Variants in EMP2 observed in about 807,000 individuals in gnomAD.
The protein encoded by EMP2 is epithelial membrane protein 2.
A neutral mutation model predicts 13.7 loss-of-function variants in EMP2; 19 were observed. That is an observed-to-expected ratio of 1.38 (90% CI 0.97 to 2.03). EMP2 has a LOEUF of 2.03. Among genes scored for constraint, EMP2 ranks in the 30% most tolerant of loss-of-function variants. The pLI is 0.00. For synonymous variants in EMP2, 97 were observed against 84.7 expected (o/e 1.15, Z -0.80); for missense variants, 253 against 220.7 (o/e 1.15, Z -0.93).
intron 3 of EMP2, among the ~76,000 whole-genome samples, chr16:10,540,931 T>C (rs537626201): frequency 1.2e-3 from 178 of 151,320 alleles, no homozygotes; most frequent in African/African-American, 4.2e-3. Flanking sequence ...CTACAGAAAA[T>C]ACAAAAATTA....
chr16:10,553,952 TATACTGGACACTGTTC>T (rs2050808208), intron 1 of EMP2, among the ~76,000 whole-genome samples: 1 of 152,260 alleles, frequency 6.6e-6, no homozygotes, highest in Admixed American at 6.5e-5. Context: ...TACTGCCATG[TATACTGGACACTGTTC>T]ATACTGTGTC....
At chr16:10,549,715 G>GCGCACACACACACT (rs879352910) in intron 1 of EMP2, among the ~76,000 whole-genome samples, 64 of 80,732 alleles carry the variant, frequency 7.9e-4, no homozygotes, top group African/African-American at 3.8e-3. Flanking sequence ...ATTAATGCAC[G>GCGCACACACACACT]CACACACACA....
intron 1 of EMP2, among the ~76,000 whole-genome samples, chr16:10,560,028 C>A (rs2050860609): frequency 6.6e-6 from 1 of 152,182 alleles, no homozygotes; most frequent in Non-Finnish European, 1.5e-5. Flanking sequence ...ACAACTTCCC[C>A]AATGTCACAC....
At chr16:10,535,941 GGCTCTAA>G (rs1251080145) in intron 4 of EMP2, among the ~76,000 whole-genome samples, 1 of 152,170 alleles carries the variant, frequency 6.6e-6, no homozygotes, top group African/African-American at 2.4e-5. Flanking sequence ...CAAATCCCCA[GGCTCTAA>G]CCCAGCAGAT....
At chr16:10,556,953 C>T (rs760467329) in intron 1 of EMP2, among the ~76,000 whole-genome samples, 9 of 152,218 alleles carry the variant, frequency 5.9e-5, no homozygotes, top group Non-Finnish European at 1.2e-4. Flanking sequence ...TTTGTGTCCA[C>T]TGAGCTTTGT....
rs151258126 is a variant in EMP2 at position 10,548,307 on chromosome 16, T to A, written c.-60-630A>T. On this transcript the variant is annotated intron_variant, in intron 1 of 4. Transcript: ENST00000359543. ...ATTCCCCATGCTCAGAAGCTCATTT[T>A]CTGACGATTCCTGATCAGAGCCCCT... 8.7e-4 allele frequency among the ~76,000 whole-genome samples: 133 copies of A among 152,314 alleles called. 1 individual carries two copies. Among genetic ancestry groups the A allele is most frequent in the African/African-American group, 3.0e-3 (126 of 41,564 alleles).
chr16:10,554,701 A>C (rs189096699), intron 1 of EMP2, among the ~76,000 whole-genome samples: 109 of 152,150 alleles, frequency 7.2e-4, no homozygotes, highest in Admixed American at 1.4e-3. Context: ...CCCAACCCCT[A>C]TGCCTGCCCT....
rs898998549 is a variant in EMP2 at position 10,547,686 on chromosome 16, G to C, written c.-60-9C>G. On this transcript the variant is annotated splice_polypyrimidine_tract_variant and intron_variant, in intron 1 of 4. Coordinates refer to ENST00000359543, the MANE Select transcript of EMP2 (RefSeq NM_001424.6). Reference sequence around the variant, plus strand: ...GCCCAGAGCGGGATGTGCTGAAGAGGGTAAGAAAGAGAAATTCAAAATCTG... The same window carrying C: ...GCCCAGAGCGGGATGTGCTGAAGAGCGTAAGAAAGAGAAATTCAAAATCTG... The C allele has an allele frequency of 2.1e-6, 3 of 1,460,780 alleles. No homozygotes were observed. Among genetic ancestry groups the C allele is most frequent in the Non-Finnish European group, 2.8e-6 (3 of 1,063,194 alleles). 90.5% of individuals were successfully genotyped at this position (1,460,780 alleles called of 1,614,324 possible).
intron 1 of EMP2, among the ~76,000 whole-genome samples, chr16:10,561,725 C>CT (rs1183215332): frequency 6.6e-6 from 1 of 152,160 alleles, no homozygotes; most frequent in African/African-American, 2.4e-5. Context: ...TGTCAGGTGC[C>CT]TGGCATGTTT....
intron 1 of EMP2, among the ~76,000 whole-genome samples, chr16:10,557,737 C>A (rs922904006): frequency 6.6e-6 from 1 of 152,126 alleles, no homozygotes; most frequent in African/African-American, 2.4e-5. Flanking sequence ...GAATACTCCC[C>A]ATTCTGTGAA....
At chr16:10,533,196 T>C in intron 4 of EMP2, 104 bp from the exon 5 acceptor site, 1 of 1,095,022 alleles carries the variant, frequency 9.1e-7, no homozygotes, top group South Asian at 2.6e-5. Flanking sequence ...CAGCTTTTAT[T>C]CTTTGTTTAT....
At chr16:10,565,424 C>A (rs1596380476) in intron 1 of EMP2, among the ~76,000 whole-genome samples, 2 of 152,212 alleles carry the variant, frequency 1.3e-5, no homozygotes, top group Non-Finnish European at 2.9e-5. Flanking sequence ...AGAAGGAATT[C>A]TGCCAGCAAA....
chr16:10,577,535 G>C lies in EMP2; in HGVS notation c.-61+3014C>G, dbSNP rs182851691. Among the ~76,000 whole-genome samples the C allele has an allele frequency of 3.5e-3, 526 of 152,260 alleles. 1 individual carries two copies. Among genetic ancestry groups the C allele is most frequent in the Non-Finnish European group, 5.8e-3 (396 of 68,000 alleles). The stretch of plus-strand genomic sequence containing the variant: ...GCTTCACCACTCCTGGGGTGAGAAG[G>C]GGAGACTGCTCTGCCTGTCACCACC... On this transcript the variant is annotated intron_variant, in intron 1 of 4. Coordinates refer to ENST00000359543, the MANE Select transcript of EMP2 (RefSeq NM_001424.6).
At chr16:10,535,003 G>T (rs182338166) in intron 4 of EMP2, among the ~76,000 whole-genome samples, 1 of 152,174 alleles carries the variant, frequency 6.6e-6, no homozygotes, top group East Asian at 1.9e-4. Context: ...CCCTGTCAGG[G>T]TTCCTTGATT....
chr16:10,555,614 G>A (rs1250955978), intron 1 of EMP2, among the ~76,000 whole-genome samples: 4 of 151,110 alleles, frequency 2.6e-5, no homozygotes, highest in African/African-American at 2.4e-5. Flanking sequence ...TTGAGATGGA[G>A]TTTTGTTTTT....
At chr16:10,554,883 C>T (rs1029891332) in intron 1 of EMP2, among the ~76,000 whole-genome samples, 2 of 152,100 alleles carry the variant, frequency 1.3e-5, no homozygotes, top group Admixed American at 1.3e-4. Flanking sequence ...CTGAGCATAC[C>T]GTGTAAAGTA....
intron 1 of EMP2, among the ~76,000 whole-genome samples, chr16:10,570,374 C>A (rs182620699): frequency 1.3e-3 from 199 of 152,100 alleles, no homozygotes; most frequent in African/African-American, 4.8e-3. Flanking sequence ...GACAGGTGCA[C>A]ACCACCACAC....
chr16:10,537,445 A>AC (rs922274623), intron 4 of EMP2, among the ~76,000 whole-genome samples: 1 of 151,822 alleles, frequency 6.6e-6, no homozygotes, highest in African/African-American at 2.4e-5. Context: ...TAGAACAAAG[A>AC]CCCCAAATCC....
intron 1 of EMP2, among the ~76,000 whole-genome samples, chr16:10,549,067 A>G (rs1432149395): frequency 6.6e-6 from 1 of 152,116 alleles, no homozygotes; most frequent in African/African-American, 2.4e-5. Flanking sequence ...CCCTCTCCCT[A>G]AGGAGGTAGC....
Sources: gnomAD v4.1 joint callset for allele counts (sites outside exome capture counted in the v4.1 genomes callset) on GRCh38, gnomAD v4.1.1 for gene constraint, MANE v1.5 for transcripts, NCBI Gene and HGNC (gene_info 2026-07-23, HGNC 2026-07-21) for gene names.